The following RAB5A variants were observed in gnomAD, a reference collection of about 807,000 sequenced individuals.
The protein encoded by RAB5A is ras-related protein Rab-5A.
A neutral mutation model predicts 25.7 loss-of-function variants in RAB5A; 8 were observed. The ratio of observed to expected loss-of-function variants is 0.31; its 90% CI spans 0.18 to 0.56. RAB5A has a LOEUF of 0.56. Ranked by LOEUF, RAB5A falls within the 20% of genes least tolerant of loss-of-function variation. The probability of loss-of-function intolerance (pLI) is 0.91; values close to 1 mark genes in which losing one functional copy is unlikely to be tolerated. For synonymous variants in RAB5A, 98 were observed against 89.8 expected, an observed-to-expected ratio of 1.09 and a Z score of -0.52; for missense variants, 192 against 259.7, an observed-to-expected ratio of 0.74 and a Z score of 1.79.
At chr3:19,978,251 G>A in intron 4 of RAB5A, 59 bp from the exon 5 acceptor site, 2 of 1,080,422 alleles carry the variant, frequency 1.9e-6, no homozygotes, top group South Asian at 2.6e-5. Flanking sequence ...GTTTAAAGCA[G>A]GTGTAGTGTA....
In RAB5A at chr3:19,982,956, A is replaced by C. The variant is rs145797380; in HGVS notation, c.533-752A>C. ...ACTTGTTCTAAAAAATGTTTGTGGC[A>C]GTCTAGAGAACGCTGATATGAGCTG... On this transcript the variant is annotated intron_variant, in intron 5 of 5. Transcript: ENST00000273047. Among the ~76,000 whole-genome samples, 19 of 152,274 alleles carry C rather than the reference A, an allele frequency of 1.2e-4. No individual in the cohort carries two copies. The East Asian group carries it at 3.7e-3, about 29-fold the overall frequency.
At chr3:19,977,450 G>A (rs2125131117) in intron 4 of RAB5A, among the ~76,000 whole-genome samples, 1 of 152,310 alleles carries the variant, frequency 6.6e-6, no homozygotes, top group East Asian at 1.9e-4. Flanking sequence ...TGGCTGTTCT[G>A]TATATATCAG....
intron 2 of RAB5A, among the ~76,000 whole-genome samples, chr3:19,960,754 GTAA>G (rs760449221): frequency 6.6e-6 from 1 of 152,226 alleles, no homozygotes; most frequent in Non-Finnish European, 1.5e-5. Context: ...AATATCTGAA[GTAA>G]GTGTTGCTAA....
At chr3:19,965,936 C>T (rs190883743) in intron 2 of RAB5A, among the ~76,000 whole-genome samples, 6 of 152,156 alleles carry the variant, frequency 3.9e-5, no homozygotes, top group South Asian at 2.1e-4. Flanking sequence ...CCATGTTGCC[C>T]GGGCTGGTCT....
At chr3:19,958,505 A>C (rs1029835297) in intron 2 of RAB5A, among the ~76,000 whole-genome samples, 13 of 152,124 alleles carry the variant, frequency 8.5e-5, no homozygotes, top group African/African-American at 3.1e-4. Flanking sequence ...ATTTATGTGA[A>C]CTCTGTTTAC....
chr3:19,954,472 G>A (rs1236150826), intron 2 of RAB5A, among the ~76,000 whole-genome samples: 1 of 152,128 alleles, frequency 6.6e-6, no homozygotes. Context: ...AGAATATCAA[G>A]ATTTCTTCTG....
intron 2 of RAB5A, chr3:19,970,644 A>T (rs1250920436): frequency 2.2e-6 from 1 of 456,612 alleles, no homozygotes; most frequent in Non-Finnish European, 4.4e-6. Flanking sequence ...GAGAAAATGA[A>T]GCGGTCTAAG....
At position 19,984,633 on chromosome 3, in the gene RAB5A, T is replaced by C. The variant is rs1173692195; in HGVS notation, c.*810T>C. ...GGTGGGGAGGGGGCTTTTGTTCCCT[T>C]TTGACATAATATAGTCAATGCACTA... On this transcript the variant is annotated 3_prime_UTR_variant, in exon 6 of 6. Coordinates refer to ENST00000273047, the MANE Select transcript of RAB5A (RefSeq NM_004162.5). 6.1e-6 allele frequency: 1 copy of C among 162,708 alleles called. No homozygotes were observed. Among genetic ancestry groups the C allele is most frequent in the Non-Finnish European group, 1.3e-5 (1 of 74,912 alleles). 10.1% of individuals were successfully genotyped at this position (162,708 alleles called of 1,614,324 possible).
At position 19,951,110 on chromosome 3, in the gene RAB5A, CAG is replaced by C. The variant is rs754561415; in HGVS notation, c.163+51_163+52del. On this transcript the variant is annotated intron_variant, in intron 2 of 5. Coordinates refer to ENST00000273047, the MANE Select transcript of RAB5A (RefSeq NM_004162.5). ...TTCATTTAATCGAATCATACATTGA[CAG>C]AAAATATTTTGATGTTCCAATTGTG... 30 of 1,578,006 alleles carry C rather than the reference CAG, an allele frequency of 1.9e-5. No individual in the cohort carries two copies. In the East Asian group the frequency reaches 2.2e-4, roughly 12 times the overall value.
At position 19,947,480 on chromosome 3, in the gene RAB5A, C is replaced by T; in HGVS notation, c.-135C>T. 6.5e-6 allele frequency: 1 copy of T among 153,128 alleles called. No homozygotes were observed. The highest frequency in any genetic ancestry group is 1.9e-4 in the South Asian group (1 of 5,312). 9.5% of individuals were successfully genotyped at this position (153,128 alleles called of 1,614,324 possible). A position where few individuals can be genotyped will look rare whatever the true frequency, so the allele number is the denominator to read the frequency against. On this transcript the variant is annotated 5_prime_UTR_variant, in exon 1 of 6. Coordinates refer to ENST00000273047, the MANE Select transcript of RAB5A (RefSeq NM_004162.5). The stretch of plus-strand genomic sequence containing the variant: ...ACGGGCCACGCCTGGGCCTTGCTGC[C>T]AGGAAGCTTCGGCCCCGCAGCTCGG...
rs1268387576 is a variant in RAB5A, at chr3:19,985,145, TCAG to T, written c.*1323_*1325del. ...AGTGTTTAGTTTTATATTGAGGTGC[TCAG>T]GTTGGAATAAAGTGGTATAAAAAGC... On this transcript the variant is annotated 3_prime_UTR_variant, in exon 6 of 6. Transcript: ENST00000273047. 2.3e-6 allele frequency: 1 copy of T among 427,346 alleles called. No homozygotes were observed. Among genetic ancestry groups the T allele is most frequent in the African/African-American group, 2.1e-5 (1 of 48,538 alleles). The allele number at this position is 427,346 out of a possible 1,614,324, so 26.5% of individuals were successfully genotyped here.
At chr3:19,962,592 G>A (rs374461524) in intron 2 of RAB5A, among the ~76,000 whole-genome samples, 12 of 152,036 alleles carry the variant, frequency 7.9e-5, no homozygotes, top group East Asian at 1.9e-4. Context: ...ACTGTCTGCC[G>A]TAAGACCTAT....
At position 19,953,912 on chromosome 3, in the gene RAB5A, C is replaced by G. The variant is rs544830339; in HGVS notation, c.163+2851C>G. Among the ~76,000 whole-genome samples, 3 of 152,280 alleles carry G rather than the reference C, an allele frequency of 2.0e-5. No individual in the cohort carries two copies. The South Asian group carries it at 6.2e-4, about 32-fold the overall frequency. ...AGGTTTGAGCTATTTCATGATCAAC[C>G]TGAAAGGGCCATAACTTGTAGGTAA... On this transcript the variant is annotated intron_variant, in intron 2 of 5. Coordinates refer to ENST00000273047, the MANE Select transcript of RAB5A (RefSeq NM_004162.5).
chr3:19,963,867 G>T (rs988943829), intron 2 of RAB5A, among the ~76,000 whole-genome samples: 1 of 152,110 alleles, frequency 6.6e-6, no homozygotes, highest in Non-Finnish European at 1.5e-5. Flanking sequence ...TTGAGCTCCT[G>T]GCCTCAAGCA....
chr3:19,980,088 T>G (rs1469959833), intron 5 of RAB5A: 2 of 152,234 alleles, frequency 1.3e-5, no homozygotes, highest in Admixed American at 6.5e-5. Context: ...GTTTGCAGTT[T>G]GCTAGGGAAG....
At chr3:19,976,452 G>A (rs187296760) in intron 4 of RAB5A, among the ~76,000 whole-genome samples, 1 of 152,272 alleles carries the variant, frequency 6.6e-6, no homozygotes, top group Admixed American at 6.5e-5. Context: ...TTGGGAGGCC[G>A]AGGTGGGTGG....
At chr3:19,955,974 G>A (rs1696495775) in intron 2 of RAB5A, among the ~76,000 whole-genome samples, 1 of 152,160 alleles carries the variant, frequency 6.6e-6, no homozygotes. Flanking sequence ...CATGTTATCT[G>A]TATCTCTTTA....
At chr3:19,965,600 G>C (rs767253160) in intron 2 of RAB5A, among the ~76,000 whole-genome samples, 6 of 152,062 alleles carry the variant, frequency 3.9e-5, no homozygotes, top group Admixed American at 6.6e-5. Context: ...TTGGAGAAAT[G>C]CTAATTTTTA....
intron 5 of RAB5A, among the ~76,000 whole-genome samples, chr3:19,981,443 G>A (rs1211609504): frequency 2.0e-5 from 3 of 151,898 alleles, no homozygotes; most frequent in Non-Finnish European, 4.4e-5. Flanking sequence ...TCGAAACCCC[G>A]TCTCTACTAA....
Sources: allele counts gnomAD v4.1 joint callset (sites outside exome capture counted in the v4.1 genomes callset), GRCh38; gene constraint gnomAD v4.1.1; transcripts MANE v1.5; gene names NCBI Gene and HGNC (gene_info 2026-07-23, HGNC 2026-07-21).